Variants in DIXDC1 observed in about 807,000 individuals in gnomAD.
The protein encoded by DIXDC1 is dixin.
A neutral mutation model predicts 103.1 loss-of-function variants in DIXDC1; 64 were observed. The observed-to-expected ratio is 0.62, with a 90% confidence interval of 0.51 to 0.76. The LOEUF (loss-of-function observed/expected upper bound fraction) is 0.76. Among genes scored for constraint, DIXDC1 ranks in the 30% least tolerant of loss-of-function variants. The pLI, the probability that DIXDC1 is intolerant of heterozygous loss-of-function variation, is 0.00. For synonymous variants in DIXDC1, 266 were observed against 298.5 expected (o/e 0.89, Z 1.12); for missense variants, 759 against 834.2 (o/e 0.91, Z 1.11).
chr11:111,929,922 G>GTGTAC (rs1555167498), intron 2 of DIXDC1: 1 of 1,535,420 alleles, frequency 6.5e-7, no homozygotes, highest in Non-Finnish European at 8.7e-7. Flanking sequence ...TAAGTTTTTG[G>GTGTAC]TGTACTATTG....
intron 9 of DIXDC1, among the ~76,000 whole-genome samples, chr11:111,988,693 C>T (rs782721848): frequency 2.0e-5 from 3 of 152,190 alleles, no homozygotes; most frequent in Non-Finnish European, 2.9e-5. Context: ...ATTAGGTTTT[C>T]CTGTTGGTGA....
In DIXDC1 at chr11:111,974,055, A is replaced by G. The variant is rs782447221; in HGVS notation, c.349A>G (p.Arg117Gly). The change falls in exon 4 of 20, where the codon AGG becomes GGG. Residue 117 changes from arginine (R) to glycine (G), a missense_variant. Coordinates refer to ENST00000440460, the MANE Select transcript of DIXDC1 (RefSeq NM_001037954.4). ...IVDGNLKSIM[R>G]LVLALAAHFK... Reference sequence around the variant, plus strand: ...GGATGGAAACCTGAAGTCTATCATGAGGCTGGTCCTTGCCTTGGCAGCTCA... The same window carrying G: ...GGATGGAAACCTGAAGTCTATCATGGGGCTGGTCCTTGCCTTGGCAGCTCA... 17 of 1,613,844 alleles carry G rather than the reference A, an allele frequency of 1.1e-5. No homozygotes were observed. The highest frequency in any genetic ancestry group is 1.4e-5 in the Non-Finnish European group (17 of 1,179,914).
At chr11:111,969,614 C>G (rs1026057891) in intron 3 of DIXDC1, among the ~76,000 whole-genome samples, 3 of 152,124 alleles carry the variant, frequency 2.0e-5, no homozygotes, top group Admixed American at 6.5e-5. Flanking sequence ...AGCATAGGCT[C>G]CCTAGTTCTC....
At chr11:111,989,521 G>T in intron 10 of DIXDC1, among the ~76,000 whole-genome samples, 1 of 151,428 alleles carries the variant, frequency 6.6e-6, no homozygotes, top group Non-Finnish European at 1.5e-5. Flanking sequence ...CTACTTGGGA[G>T]GCTGAGGCAG....
chr11:111,933,911 T>G (rs1365649450), upstream of DIXDC1, among the ~76,000 whole-genome samples: 3 of 152,236 alleles, frequency 2.0e-5, no homozygotes, highest in Non-Finnish European at 4.4e-5. Context: ...AATGATGGTT[T>G]TATTTTAAGG....
chr11:112,003,250 C>G (rs1278588921), intron 17 of DIXDC1, among the ~76,000 whole-genome samples: 1 of 151,990 alleles, frequency 6.6e-6, no homozygotes, highest in Non-Finnish European at 1.5e-5. Flanking sequence ...TGCCTGTAAT[C>G]CCAGCACTTT....
At chr11:111,946,471 A>C (rs1181335765) in intron 1 of DIXDC1, among the ~76,000 whole-genome samples, 1 of 151,812 alleles carries the variant, frequency 6.6e-6, no homozygotes, top group Non-Finnish European at 1.5e-5. Context: ...CTATCTGCCC[A>C]CCTTGGCCTC....
At chr11:111,982,285 G>T in intron 6 of DIXDC1, 54 bp from the exon 7 acceptor site, 1 of 1,580,718 alleles carries the variant, frequency 6.3e-7, no homozygotes, top group Non-Finnish European at 8.6e-7. Flanking sequence ...AACGCTGTCT[G>T]CTGGAAATCA....
rs782112283 is a variant in DIXDC1, at chr11:111,964,619, A to G, written c.131A>G (p.Gln44Arg). ...LKKRPAVKPVQDLRQDLRDGV... is the reference protein window; with the variant it reads ...LKKRPAVKPVRDLRQDLRDGV... ...AAGAGGCCAGCAGTGAAGCCTGTGC[A>G]GGACCTGCGACAAGATCTCCGGGAT... Residue 44 changes from glutamine to arginine, a missense_variant, in exon 2 of 20, where the codon CAG (glutamine) becomes CGG (arginine). Around this residue, in one of 3 missense-constraint regions of DIXDC1, gnomAD observed 97 missense variants for 85.4 expected, o/e 1.14. Coordinates refer to ENST00000440460, the MANE Select transcript of DIXDC1 (RefSeq NM_001037954.4). 2.5e-6 allele frequency: 4 copies of G among 1,612,222 alleles called. No homozygotes were observed. Among genetic ancestry groups the G allele is most frequent in the Middle Eastern group, 1.7e-4 (1 of 6,012 alleles).
At chr11:112,001,424 A>G (rs58180452) in intron 17 of DIXDC1, among the ~76,000 whole-genome samples, 3,980 of 152,260 alleles carry the variant, frequency 0.026, 182 homozygotes, top group African/African-American at 0.091. Flanking sequence ...ATGCCATTGA[A>G]TTGCACACCT....
chr11:111,980,199 T>G (rs775390035), intron 5 of DIXDC1, among the ~76,000 whole-genome samples: 25 of 152,190 alleles, frequency 1.6e-4, no homozygotes, highest in Non-Finnish European at 2.8e-4. Flanking sequence ...CCAGCAACTT[T>G]TCCCCTTGAA....
intron 17 of DIXDC1, among the ~76,000 whole-genome samples, chr11:112,012,072 C>T (rs1216661027): frequency 4.6e-5 from 7 of 152,236 alleles, no homozygotes; most frequent in Admixed American, 2.6e-4. Context: ...TTTAAATAAA[C>T]GGAGAGATAT....
chr11:111,970,661 C>CAA (rs34958514), intron 3 of DIXDC1, among the ~76,000 whole-genome samples: 20 of 113,138 alleles, frequency 1.8e-4, no homozygotes, highest in Non-Finnish European at 2.2e-4. Flanking sequence ...AACTCTATCT[C>CAA]AAAAAAAAAA....
chr11:111,968,480 C>G, intron 2 of DIXDC1, 33 bp from the exon 3 acceptor site: 1 of 1,604,574 alleles, frequency 6.2e-7, no homozygotes, highest in Non-Finnish European at 8.5e-7. Context: ...ATATTCCTCC[C>G]TATAACTTCC....
intron 3 of DIXDC1, among the ~76,000 whole-genome samples, chr11:111,970,882 C>T (rs1211740117): frequency 1.3e-5 from 2 of 152,070 alleles, no homozygotes; most frequent in East Asian, 1.9e-4. Context: ...GGAAAAGAAT[C>T]CCTATTCAAT....
chr11:111,937,371 A>C lies in DIXDC1; in HGVS notation c.-129A>C. On this transcript the variant is annotated 5_prime_UTR_variant, in exon 1 of 20. Transcript: ENST00000440460. ...TTGGCTCCAGTCTAGGTTTCCAGTAAGTGGCATGCGGGACTCCGGAGGGAT... is the reference window on the plus strand; with the variant it reads ...TTGGCTCCAGTCTAGGTTTCCAGTACGTGGCATGCGGGACTCCGGAGGGAT... The C allele has an allele frequency of 2.1e-6, 3 of 1,449,340 alleles. No homozygotes were observed. Among genetic ancestry groups the C allele is most frequent in the Non-Finnish European group, 2.7e-6 (3 of 1,100,840 alleles). The allele number at this position is 1,449,340 out of a possible 1,614,324, so 89.8% of individuals were successfully genotyped here. A position where few individuals can be genotyped will look rare whatever the true frequency, so the allele number is the denominator to read the frequency against.
At chr11:111,942,537 T>C (rs1162422861) in intron 1 of DIXDC1, among the ~76,000 whole-genome samples, 3 of 152,196 alleles carry the variant, frequency 2.0e-5, no homozygotes, top group East Asian at 1.9e-4. Context: ...TGGGCTCTTA[T>C]CTCCTGTTTC....
chr11:111,943,919 G>T (rs1966507728), intron 1 of DIXDC1, among the ~76,000 whole-genome samples: 1 of 152,176 alleles, frequency 6.6e-6, no homozygotes, highest in African/African-American at 2.4e-5. Context: ...TCCATGAAAG[G>T]AAGAAGAAAT....
At chr11:111,987,403 G>A (rs1427500553) in intron 9 of DIXDC1, among the ~76,000 whole-genome samples, 1 of 152,078 alleles carries the variant, frequency 6.6e-6, no homozygotes, top group African/African-American at 2.4e-5. Flanking sequence ...TTTTAATCCT[G>A]GTGGTAGGTA....
Sources: gnomAD v4.1 joint callset for allele counts (sites outside exome capture counted in the v4.1 genomes callset) on GRCh38, gnomAD v4.1.1 for gene constraint, gnomAD v4.1.1 regional missense constraint, MANE v1.5 for transcripts, NCBI Gene and HGNC (gene_info 2026-07-23, HGNC 2026-07-21) for gene names.